Variants in ADCY7 observed in about 807,000 individuals in gnomAD.
The protein encoded by ADCY7 is adenylate cyclase 7.
A neutral mutation model predicts 120.6 loss-of-function variants in ADCY7; 72 were observed. The observed-to-expected ratio is 0.60, with a 90% CI of 0.49 to 0.73. The LOEUF (loss-of-function observed/expected upper bound fraction) is 0.73. ADCY7 is among the 30% of genes least tolerant of loss of function. The pLI is 0.00. For missense variants in ADCY7, 1,227 were observed against 1,486.0 expected, an observed-to-expected ratio of 0.83 and a Z score of 2.87; for synonymous variants, 661 against 628.0, an observed-to-expected ratio of 1.05 and a Z score of -0.78.
chr16:50,287,045 C>G (rs1163493817), intron 1 of ADCY7, among the ~76,000 whole-genome samples: 2 of 148,688 alleles, frequency 1.3e-5, no homozygotes, highest in Non-Finnish European at 3.0e-5. Flanking sequence ...GAGATGGAGT[C>G]TCACTCTGTT....
chr16:50,286,453 A>G (rs1412557071), intron 1 of ADCY7, among the ~76,000 whole-genome samples: 1 of 148,770 alleles, frequency 6.7e-6, no homozygotes, highest in Non-Finnish European at 1.5e-5. Context: ...AAAAGAGAGA[A>G]AGAAAATGCA....
At chr16:50,303,173 A>G (rs1349420994) in intron 10 of ADCY7, among the ~76,000 whole-genome samples, 2 of 152,020 alleles carry the variant, frequency 1.3e-5, no homozygotes, top group Admixed American at 6.6e-5. Flanking sequence ...AGTTGTCACA[A>G]TGGAGGAGGG....
intron 1 of ADCY7, among the ~76,000 whole-genome samples, chr16:50,272,846 C>A (rs2033661327): frequency 6.6e-6 from 1 of 152,152 alleles, no homozygotes; most frequent in Non-Finnish European, 1.5e-5. Context: ...GGAGGAGGAG[C>A]CCTTTTAAGC....
At chr16:50,268,561 A>G (rs565548123) in intron 1 of ADCY7, among the ~76,000 whole-genome samples, 2 of 152,314 alleles carry the variant, frequency 1.3e-5, no homozygotes, top group African/African-American at 2.4e-5. Context: ...CCCGACGCCC[A>G]GCCTTCTAGT....
chr16:50,314,667 A>G (rs2036695177), intron 24 of ADCY7: 3 of 482,502 alleles, frequency 6.2e-6, no homozygotes, highest in Non-Finnish European at 1.1e-5. Flanking sequence ...CTTAAAATAT[A>G]GAGAAGGAAG....
chr16:50,312,282 G>T, intron 21 of ADCY7, 91 bp downstream of exon 21: 1 of 1,466,542 alleles, frequency 6.8e-7, no homozygotes, highest in South Asian at 1.2e-5. Context: ...AGTGCATGCT[G>T]AGCTTGGCTT....
intron 1 of ADCY7, among the ~76,000 whole-genome samples, chr16:50,269,359 A>C (rs1026695918): frequency 4.6e-5 from 7 of 152,212 alleles, no homozygotes; most frequent in Admixed American, 1.3e-4. Flanking sequence ...AAAGCTGAGA[A>C]CAGGGGCTCT....
chr16:50,247,528 C>A (rs2032627585), intron 1 of ADCY7, among the ~76,000 whole-genome samples: 2 of 140,396 alleles, frequency 1.4e-5, no homozygotes, highest in Non-Finnish European at 3.0e-5. Context: ...CCACGCCTGG[C>A]TAATTTAGTA....
intron 22 of ADCY7, chr16:50,313,292 C>A (rs557984054): frequency 2.8e-6 from 1 of 358,256 alleles, no homozygotes; most frequent in East Asian, 6.7e-5. Context: ...TTGGGGCGCA[C>A]ACCTGTAATC....
rs572672319 is a variant in ADCY7, at chr16:50,259,404, C to T, written c.-64+13201C>T. Among the ~76,000 whole-genome samples, 21 of 152,322 alleles carry T rather than the reference C, an allele frequency of 1.4e-4. No homozygotes were observed. The South Asian group carries it at 1.7e-3, about 12-fold the overall frequency. On this transcript the variant is annotated intron_variant, in intron 1 of 4. Transcript: ENST00000564044. ...AGGGAAGGACAGGCGGCCTCTGGTG[C>T]GGCCCAGCTGCCAAGTTTTTCAAAG... is the stretch of plus-strand genomic sequence containing the variant.
chr16:50,273,123 G>A (rs1169713342), intron 1 of ADCY7, among the ~76,000 whole-genome samples: 1 of 152,162 alleles, frequency 6.6e-6, no homozygotes, highest in East Asian at 1.9e-4. Context: ...GCTCACCCTG[G>A]TGTCTGGAGC....
intron 17 of ADCY7, 119 bp from the exon 18 acceptor site, chr16:50,309,429 C>A: frequency 1.3e-6 from 1 of 787,342 alleles, no homozygotes; most frequent in South Asian, 1.7e-5. Flanking sequence ...CAGAGCTGAT[C>A]CCAACGTGAA....
intron 7 of ADCY7, among the ~76,000 whole-genome samples, chr16:50,296,967 AGAGGTTGGGCCTCATGT>A (rs2035393378): frequency 6.6e-6 from 1 of 152,212 alleles, no homozygotes; most frequent in South Asian, 2.1e-4. Context: ...TGGGAGCCCC[AGAGGTTGGGCCTCATGT>A]GAGGCAGGGG....
At chr16:50,281,385 A>AGGCAGGTGCGGCAGGTGC (rs58503111) in intron 1 of ADCY7, among the ~76,000 whole-genome samples, 34 of 151,142 alleles carry the variant, frequency 2.2e-4, no homozygotes, top group South Asian at 1.0e-3. Context: ...GTGGCAGGTA[A>AGGCAGGTGCGGCAGGTGC]GGCAGGTGCG....
rs570608048 is a variant in ADCY7, at chr16:50,251,146, A to G, written c.-64+4943A>G. ...TCCCAGCTACTCCAGAGGCTGAGGC[A>G]GGAGGATCACTTGAGCCCAGGAATT... On this transcript the variant is annotated intron_variant, in intron 1 of 4. Coordinates refer to the ADCY7 transcript ENST00000564044. Among the ~76,000 whole-genome samples, 4 of 152,254 alleles carry G rather than the reference A, an allele frequency of 2.6e-5. No individual in the cohort carries two copies. The South Asian group carries it at 8.3e-4, about 32-fold the overall frequency.
intron 1 of ADCY7, among the ~76,000 whole-genome samples, chr16:50,249,624 G>A (rs944830093): frequency 2.6e-4 from 39 of 152,230 alleles, no homozygotes; most frequent in Non-Finnish European, 4.7e-4. Flanking sequence ...TATACTGTAA[G>A]GGGAGAACAT....
At chr16:50,288,624 C>T (rs935988959) in intron 2 of ADCY7, among the ~76,000 whole-genome samples, 1 of 152,092 alleles carries the variant, frequency 6.6e-6, no homozygotes, top group African/African-American at 2.4e-5. Flanking sequence ...ATGACAGGTG[C>T]ATGCCACCAT....
At chr16:50,268,146 G>A (rs915229389) in intron 1 of ADCY7, among the ~76,000 whole-genome samples, 2 of 152,106 alleles carry the variant, frequency 1.3e-5, no homozygotes, top group Admixed American at 1.3e-4. Flanking sequence ...TGCCCAGGCT[G>A]GAGTGCAGTA....
At chr16:50,271,435 G>A (rs1322431666) in intron 1 of ADCY7, among the ~76,000 whole-genome samples, 1 of 152,134 alleles carries the variant, frequency 6.6e-6, no homozygotes, top group African/African-American at 2.4e-5. Context: ...AATTTCACAG[G>A]CATTTTCTGA....
Sources: gnomAD v4.1 joint callset for allele counts (sites outside exome capture counted in the v4.1 genomes callset) on GRCh38, gnomAD v4.1.1 for gene constraint, MANE v1.5 for transcripts, NCBI Gene and HGNC (gene_info 2026-07-23, HGNC 2026-07-21) for gene names.